Variants in FBXW11 observed in about 807,000 individuals in gnomAD.
The protein encoded by FBXW11 is F-box/WD repeat-containing protein 11.
Under a neutral mutation model 77.6 loss-of-function variants are expected in FBXW11, and 19 were observed. That is an observed-to-expected ratio of 0.24 (90% CI 0.17 to 0.36). FBXW11 has a LOEUF of 0.36. Among genes scored for constraint, FBXW11 ranks in the 10% least tolerant of loss-of-function variants. The pLI, the probability that FBXW11 is intolerant of heterozygous loss-of-function variation, is 1.00. For missense variants in FBXW11, 334 were observed against 704.2 expected, an observed-to-expected ratio of 0.47 and a Z score of 5.95; for synonymous variants, 235 against 249.4, an observed-to-expected ratio of 0.94 and a Z score of 0.54.
intron 1 of FBXW11, among the ~76,000 whole-genome samples, chr5:171,968,225 G>C (rs1056742473): frequency 6.6e-6 from 1 of 152,120 alleles, no homozygotes; most frequent in African/African-American, 2.4e-5. Context: ...GGGAGGCCGA[G>C]GTGGGCGGAT....
At chr5:171,963,124 C>T (rs1467143317) in intron 1 of FBXW11, among the ~76,000 whole-genome samples, 1 of 152,052 alleles carries the variant, frequency 6.6e-6, no homozygotes, top group African/African-American at 2.4e-5. Context: ...GCAATTAAGA[C>T]ATTCTCTTTA....
intron 1 of FBXW11, among the ~76,000 whole-genome samples, chr5:171,989,812 T>C (rs1050972417): frequency 2.0e-5 from 3 of 152,200 alleles, no homozygotes; most frequent in South Asian, 4.1e-4. Context: ...TTAGATTTAA[T>C]TGATGCTTGA....
chr5:171,922,746 G>A (rs1297071555), intron 2 of FBXW11, among the ~76,000 whole-genome samples: 2 of 152,176 alleles, frequency 1.3e-5, no homozygotes, highest in African/African-American at 4.8e-5. Flanking sequence ...AATACAGTAA[G>A]TTCTCTTCTA....
At chr5:171,893,525 C>T (rs905465596) in intron 6 of FBXW11, among the ~76,000 whole-genome samples, 2 of 143,830 alleles carry the variant, frequency 1.4e-5, no homozygotes, top group African/African-American at 5.0e-5. Context: ...AAAAAGAGGT[C>T]CAGAATACAG....
At chr5:171,923,259 T>C (rs1042479003) in intron 2 of FBXW11, among the ~76,000 whole-genome samples, 3 of 152,242 alleles carry the variant, frequency 2.0e-5, no homozygotes, top group African/African-American at 7.2e-5. Flanking sequence ...TTTTTCTTAC[T>C]GATTTCTAGA....
chr5:171,869,619 G>T lies in FBXW11; in HGVS notation c.1530+110C>A. 1 of 669,486 alleles carries T rather than the reference G, an allele frequency of 1.5e-6. No homozygotes were observed. 41.5% of individuals were successfully genotyped at this position (669,486 alleles called of 1,614,324 possible). On this transcript the variant is annotated intron_variant, in intron 12 of 13. Coordinates refer to ENST00000517395, the MANE Select transcript of FBXW11 (RefSeq NM_001378974.1). The surrounding 1 kb of genome is among the most constrained non-coding windows in gnomAD (Gnocchi z 4.1). ...AAAATGAAGACTGAAATTCTCTGAA[G>T]GCATCTTGTGAGACACACAAGCGTT...
rs1581047170 is a variant in FBXW11, at chr5:171,969,243, G to A, written c.46-11545C>T. ...AGATCACGCCACCGCGCTCTAGCCT[G>A]GGCAACATAGCGAGACTCTGTCCCC... On this transcript the variant is annotated intron_variant, in intron 1 of 13. Transcript: ENST00000517395. Among the ~76,000 whole-genome samples, 3 of 152,248 alleles carry A rather than the reference G, an allele frequency of 2.0e-5. No homozygotes were observed. In the East Asian group the frequency reaches 5.8e-4, roughly 29 times the overall value.
intron 6 of FBXW11, among the ~76,000 whole-genome samples, chr5:171,893,440 A>AAAAAAAAAAAAAAAAAAAAAAAAAC (rs1759516850): frequency 6.7e-6 from 1 of 148,234 alleles, no homozygotes; most frequent in Non-Finnish European, 1.5e-5. Context: ...AAAAAAAAAA[A>AAAAAAAAAAAAAAAAAAAAAAAAAC]AAAAAAACTA....
rs1232821450 is a variant in FBXW11, at chr5:171,973,640, T to C, written c.46-15942A>G. On this transcript the variant is annotated intron_variant, in intron 1 of 13. Coordinates refer to ENST00000517395, the MANE Select transcript of FBXW11 (RefSeq NM_001378974.1). ...CAGAAAAAGGACATTAAGTAAAAAC[T>C]AAGGAAATCTGAATAAATCTTGGAC... Among the ~76,000 whole-genome samples the C allele has an allele frequency of 2.0e-5, 3 of 152,156 alleles. No individual in the cohort carries two copies. The East Asian group carries it at 5.8e-4, about 29-fold the overall frequency.
At chr5:171,916,047 C>CA (rs1269007599) in intron 2 of FBXW11, among the ~76,000 whole-genome samples, 2 of 144,560 alleles carry the variant, frequency 1.4e-5, no homozygotes, top group Admixed American at 1.4e-4. Context: ...AATGAGAACA[C>CA]TGGAGACACA....
chr5:171,997,137 T>C (rs777130941), intron 1 of FBXW11: 12 of 1,138,960 alleles, frequency 1.1e-5, no homozygotes, highest in Non-Finnish European at 1.4e-5. Context: ...GAAGGGTCAA[T>C]GGAATGGTGG....
chr5:171,926,942 T>G (rs567691501), intron 2 of FBXW11, among the ~76,000 whole-genome samples: 1 of 152,180 alleles, frequency 6.6e-6, no homozygotes, highest in Non-Finnish European at 1.5e-5. Context: ...GAATGGTCTT[T>G]TAAATAAAAG....
At chr5:171,896,415 G>T (rs1204709954) in intron 6 of FBXW11, among the ~76,000 whole-genome samples, 1 of 152,050 alleles carries the variant, frequency 6.6e-6, no homozygotes, top group Non-Finnish European at 1.5e-5. Flanking sequence ...CCCATAACTG[G>T]ACTAAAACAG....
chr5:171,939,363 C>T (rs1316063324), intron 2 of FBXW11, among the ~76,000 whole-genome samples: 1 of 152,096 alleles, frequency 6.6e-6, no homozygotes. Flanking sequence ...CTCTTGAACT[C>T]AGTAATGGGA....
At position 171,947,013 on chromosome 5, in the gene FBXW11, C is replaced by G. The variant is rs373584159; in HGVS notation, c.147+10584G>C. Reference sequence around the variant, plus strand: ...TATTTTTAGTAGAGACAGAGTTCACCATGTTAGCCAGGCTGGTCTTGAACT... The same window carrying G: ...TATTTTTAGTAGAGACAGAGTTCACGATGTTAGCCAGGCTGGTCTTGAACT... On this transcript the variant is annotated intron_variant, in intron 2 of 13. Coordinates refer to ENST00000517395, the MANE Select transcript of FBXW11 (RefSeq NM_001378974.1). 7.2e-4 allele frequency among the ~76,000 whole-genome samples: 109 copies of G among 152,076 alleles called. 1 individual carries two copies. The East Asian group carries it at 0.016, about 22-fold the overall frequency.
intron 2 of FBXW11, among the ~76,000 whole-genome samples, chr5:171,942,624 AC>A (rs1466766927): frequency 6.6e-6 from 1 of 152,048 alleles, no homozygotes; most frequent in Non-Finnish European, 1.5e-5. Flanking sequence ...ACACAGTGAA[AC>A]CCCGTCTCTA....
chr5:171,948,106 G>A (rs1452108957), intron 2 of FBXW11, among the ~76,000 whole-genome samples: 4 of 151,410 alleles, frequency 2.6e-5, no homozygotes, highest in African/African-American at 7.3e-5. Flanking sequence ...ATGGTGGCAC[G>A]TGCCTGTAAT....
intron 1 of FBXW11, among the ~76,000 whole-genome samples, chr5:171,988,753 G>C (rs1045265691): frequency 5.3e-5 from 8 of 152,132 alleles, no homozygotes; most frequent in Admixed American, 5.2e-4. Flanking sequence ...GCTGAGGCAG[G>C]AGAATTGCTT....
chr5:171,865,803 C>T (rs1329891053), intron 13 of FBXW11, among the ~76,000 whole-genome samples: 2 of 152,096 alleles, frequency 1.3e-5, no homozygotes, highest in East Asian at 1.9e-4. Context: ...AAAACGACTC[C>T]GCAGATAGAT....
Sources: allele counts gnomAD v4.1 joint callset (sites outside exome capture counted in the v4.1 genomes callset), GRCh38; gene constraint gnomAD v4.1.1; non-coding constraint Gnocchi (gnomAD v3.1); transcripts MANE v1.5; gene names NCBI Gene and HGNC (gene_info 2026-07-23, HGNC 2026-07-21).